The following IL1RAPL2 variants were observed in gnomAD, a reference collection of about 807,000 sequenced individuals.
IL1RAPL2 encodes the protein X-linked interleukin-1 receptor accessory protein-like 2.
A neutral mutation model predicts 44.1 loss-of-function variants in IL1RAPL2; 3 were observed. The ratio of observed to expected loss-of-function variants is 0.07; its 90% CI spans 0.03 to 0.18. The LOEUF (loss-of-function observed/expected upper bound fraction) is 0.18. Among genes scored for constraint, IL1RAPL2 ranks in the 10% least tolerant of loss-of-function variants. IL1RAPL2 has a pLI of 1.00. For synonymous variants in IL1RAPL2, 181 were observed against 178.8 expected (o/e 1.01, Z -0.10); for missense variants, 391 against 496.4 (o/e 0.79, Z 2.02).
intron 1 of IL1RAPL2, among the ~76,000 whole-genome samples, chrX:104,643,359 G>T (rs779578502): frequency 4.5e-5 from 5 of 111,598 alleles, no homozygotes; most frequent in Non-Finnish European, 9.4e-5. Context: ...TAATCGTTAC[G>T]ATTATGGCTA....
intron 2 of IL1RAPL2, among the ~76,000 whole-genome samples, chrX:104,869,038 A>G (rs1922690299): frequency 9.0e-6 from 1 of 111,501 alleles, no homozygotes; most frequent in South Asian, 3.7e-4. Context: ...GTTGCCTGGG[A>G]TGAAAATGTC....
chrX:104,890,041 C>T (rs183858839), intron 2 of IL1RAPL2, among the ~76,000 whole-genome samples: 3,745 of 111,044 alleles, frequency 0.034, 71 homozygotes, highest in Middle Eastern at 0.066. Flanking sequence ...TGAGTGAGAA[C>T]ATGCAGTGTT....
intron 2 of IL1RAPL2, among the ~76,000 whole-genome samples, chrX:104,785,082 G>A (rs1932791774): frequency 9.0e-6 from 1 of 110,509 alleles, no homozygotes; most frequent in Admixed American, 9.7e-5. Context: ...TGCAATCACA[G>A]CTCACTGCAA....
intron 4 of IL1RAPL2, among the ~76,000 whole-genome samples, chrX:105,242,402 CT>C (rs2034177917): frequency 8.9e-6 from 1 of 111,846 alleles, no homozygotes; most frequent in African/African-American, 3.2e-5. Context: ...TTAATCAGAG[CT>C]TTTTCGTATA....
At chrX:104,913,232 T>G (rs1476677035) in intron 2 of IL1RAPL2, among the ~76,000 whole-genome samples, 1 of 111,525 alleles carries the variant, frequency 9.0e-6, no homozygotes, top group Non-Finnish European at 1.9e-5. Context: ...AGACAGAGTT[T>G]TCTAAGACTT....
At chrX:105,244,638 G>T (rs1179069972) in intron 4 of IL1RAPL2, among the ~76,000 whole-genome samples, 3 of 111,860 alleles carry the variant, frequency 2.7e-5, no homozygotes, top group Non-Finnish European at 5.6e-5. Flanking sequence ...GGACACAGTG[G>T]GTCTGGTGGG....
intron 2 of IL1RAPL2, among the ~76,000 whole-genome samples, chrX:104,805,875 A>G (rs1932919340): frequency 8.9e-6 from 1 of 112,132 alleles, no homozygotes; most frequent in African/African-American, 3.2e-5. Context: ...TCACACAGCT[A>G]GAAACTGTTG....
At chrX:105,110,950 G>A (rs2032795206) in intron 2 of IL1RAPL2, among the ~76,000 whole-genome samples, 1 of 110,718 alleles carries the variant, frequency 9.0e-6, no homozygotes, top group Admixed American at 9.6e-5. Flanking sequence ...AAAATAAGTA[G>A]ATAAATAAAT....
At chrX:104,810,581 A>G (rs952578424) in intron 2 of IL1RAPL2, among the ~76,000 whole-genome samples, 2 of 111,123 alleles carry the variant, frequency 1.8e-5, no homozygotes, top group Non-Finnish European at 3.8e-5. Context: ...TGAACATGAT[A>G]TGGAACAGAG....
At chrX:104,849,078 G>A (rs1256226995) in intron 2 of IL1RAPL2, among the ~76,000 whole-genome samples, 1 of 109,812 alleles carries the variant, frequency 9.1e-6, no homozygotes, top group Non-Finnish European at 1.9e-5. Context: ...CACAATCACA[G>A]GGAATTTAAC....
chrX:105,292,840 G>A (rs1287083405), intron 5 of IL1RAPL2, among the ~76,000 whole-genome samples: 1 of 109,129 alleles, frequency 9.2e-6, no homozygotes, highest in Non-Finnish European at 1.9e-5. Flanking sequence ...CTGGCCGGGT[G>A]CAGTGGCTCA....
chrX:104,968,979 C>CTGTGTGTG (rs35842489), intron 2 of IL1RAPL2, among the ~76,000 whole-genome samples: 1,681 of 82,005 alleles, frequency 0.02, 28 homozygotes, highest in African/African-American at 0.025. Flanking sequence ...TTGCCTTTTG[C>CTGTGTGTG]TGTGTGTGTG....
intron 2 of IL1RAPL2, among the ~76,000 whole-genome samples, chrX:104,971,086 A>T (rs2030225479): frequency 8.9e-6 from 1 of 112,175 alleles, no homozygotes; most frequent in Non-Finnish European, 1.9e-5. Context: ...GGTGGGTGAC[A>T]CCTGTAATCC....
chrX:105,373,145 A>C (rs2035357506), intron 5 of IL1RAPL2, among the ~76,000 whole-genome samples: 2 of 112,608 alleles, frequency 1.8e-5, no homozygotes, highest in South Asian at 3.7e-4. Flanking sequence ...ATGGTGTATA[A>C]GCATTCCTTT....
chrX:104,788,312 T>C (rs1465025899), intron 2 of IL1RAPL2, among the ~76,000 whole-genome samples: 1 of 111,469 alleles, frequency 9.0e-6, no homozygotes, highest in African/African-American at 3.3e-5. Context: ...CTCAGCTGCA[T>C]TTATGAATTT....
At chrX:104,659,886 G>A (rs1930354787) in intron 2 of IL1RAPL2, among the ~76,000 whole-genome samples, 2 of 111,697 alleles carry the variant, frequency 1.8e-5, no homozygotes, top group Non-Finnish European at 3.8e-5. Flanking sequence ...CGGATTGGGG[G>A]GAGGTGCTTG....
At chrX:105,432,165 T>TGTTTA (rs2035853176) in intron 5 of IL1RAPL2, among the ~76,000 whole-genome samples, 15 of 77,677 alleles carry the variant, frequency 1.9e-4, no homozygotes, top group African/African-American at 7.5e-4. Flanking sequence ...CTTTTCTCAC[T>TGTTTA]CTGGAATTTT....
At chrX:105,379,021 A>G (rs763144480) in intron 5 of IL1RAPL2, among the ~76,000 whole-genome samples, 112 of 111,847 alleles carry the variant, frequency 1.0e-3, no homozygotes, top group African/African-American at 3.6e-3. Flanking sequence ...TTTTAGAGCC[A>G]AAGTCCTGGA....
chrX:104,878,491 T>C (rs1044278559), intron 2 of IL1RAPL2, among the ~76,000 whole-genome samples: 3 of 112,162 alleles, frequency 2.7e-5, no homozygotes, highest in Non-Finnish European at 5.6e-5. Flanking sequence ...ACCTCACTTA[T>C]GCATTTGTCT....
Sources: gnomAD v4.1 joint callset for allele counts (sites outside exome capture counted in the v4.1 genomes callset) on GRCh38, gnomAD v4.1.1 for gene constraint, MANE v1.5 for transcripts, NCBI Gene and HGNC (gene_info 2026-07-23, HGNC 2026-07-21) for gene names.